Variants in ANO2 observed in about 807,000 individuals in gnomAD.
The protein encoded by ANO2 is anoctamin 2.
Under a neutral mutation model 124.2 loss-of-function variants are expected in ANO2, and 101 were observed. The observed-to-expected ratio is 0.81, with a 90% CI of 0.69 to 0.96. ANO2 has a LOEUF of 0.96. ANO2 is among the 40% of genes least tolerant of loss of function. The pLI, the probability that ANO2 is intolerant of heterozygous loss-of-function variation, is 0.00. For missense variants in ANO2, 1,293 were observed against 1,274.5 expected (o/e 1.01, Z -0.22); for synonymous variants, 486 against 482.5 (o/e 1.01, Z -0.09).
rs1469215734 is a variant in ANO2 at position 5,730,536 on chromosome 12, C to A, written c.1545+1984G>T. Among the ~76,000 whole-genome samples, 3 of 152,186 alleles carry A rather than the reference C, an allele frequency of 2.0e-5. No homozygotes were observed. The East Asian group carries it at 5.8e-4, about 29-fold the overall frequency. On this transcript the variant is annotated intron_variant, in intron 14 of 24. Coordinates refer to ENST00000682330, the MANE Select transcript of ANO2 (RefSeq NM_001364791.2). ...TCTTCTGGGGTGAGACAAGCACATC[C>A]AAGACCACCAGCTAGAATTTGATTC... is the stretch of plus-strand genomic sequence containing the variant.
At chr12:5,642,628 C>A (rs1449235998) in intron 15 of ANO2, among the ~76,000 whole-genome samples, 9 of 152,176 alleles carry the variant, frequency 5.9e-5, no homozygotes, top group African/African-American at 2.2e-4. Flanking sequence ...ACCCCAGCAG[C>A]CAGAATGATC....
chr12:5,918,438 CTTT>C (rs59787191), intron 3 of ANO2, among the ~76,000 whole-genome samples: 59 of 118,892 alleles, frequency 5.0e-4, no homozygotes, highest in African/African-American at 1.0e-3. Flanking sequence ...TAACTTGAAT[CTTT>C]TTTTTTTTTT....
chr12:5,905,464 T>C (rs1177279319), intron 3 of ANO2, among the ~76,000 whole-genome samples: 1 of 152,042 alleles, frequency 6.6e-6, no homozygotes, highest in Non-Finnish European at 1.5e-5. Flanking sequence ...AGTACAGGGA[T>C]CAGAGAGGGA....
In ANO2 at chr12:5,922,589, T is replaced by TTCC; in HGVS notation, c.207+30_207+31insGGA. The TTCC allele has an allele frequency of 2.8e-5, 40 of 1,450,026 alleles. No homozygotes were observed. The African/African-American group carries it at 3.6e-4, about 13-fold the overall frequency. 89.8% of individuals were successfully genotyped at this position (1,450,026 alleles called of 1,614,324 possible). A position where few individuals can be genotyped will look rare whatever the true frequency, so the allele number is the denominator to read the frequency against. ...GGTGGCCTGCAACAGGGCTGGCCTA[T>TTCC]CCCCCCACCCCACCCCCGCCCAGTA... On this transcript the variant is annotated intron_variant, in intron 2 of 24. Coordinates refer to ENST00000682330, the MANE Select transcript of ANO2 (RefSeq NM_001364791.2).
At chr12:5,942,478 A>T (rs1357902133) in intron 1 of ANO2, among the ~76,000 whole-genome samples, 1 of 152,132 alleles carries the variant, frequency 6.6e-6, no homozygotes, top group Non-Finnish European at 1.5e-5. Context: ...GTCTCCTTTC[A>T]TTACATAATG....
chr12:5,575,444 A>G (rs1942341029), intron 23 of ANO2, among the ~76,000 whole-genome samples: 2 of 152,326 alleles, frequency 1.3e-5, no homozygotes, highest in Admixed American at 1.3e-4. Flanking sequence ...CGATGGGGAT[A>G]TGTTCTGAGA....
At chr12:5,816,424 T>A (rs1277595818) in intron 7 of ANO2, among the ~76,000 whole-genome samples, 2 of 152,082 alleles carry the variant, frequency 1.3e-5, no homozygotes, top group Non-Finnish European at 2.9e-5. Flanking sequence ...AAATCTGGCC[T>A]TTGGGTTCTC....
At chr12:5,814,231 G>A (rs74899368) in intron 7 of ANO2, among the ~76,000 whole-genome samples, 7,994 of 152,246 alleles carry the variant, frequency 0.053, 301 homozygotes, top group East Asian at 0.19. Context: ...AGGTTACAAC[G>A]CCGTCCCTGG....
Position 5,710,205 on chromosome 12 carries a change from G to A in ANO2, c.1545+22315C>T, listed in dbSNP as rs141398870. Among the ~76,000 whole-genome samples, 215 of 152,340 alleles carry A rather than the reference G, an allele frequency of 1.4e-3. 1 individual carries two copies. The highest frequency in any genetic ancestry group is 4.8e-3 in the African/African-American group (201 of 41,590). The stretch of plus-strand genomic sequence containing the variant: ...GGCCAATTGGTAAGAGGTGATTGCT[G>A]TGGAGAGAGGGGACAGGCCCTGGCT... On this transcript the variant is annotated intron_variant, in intron 14 of 24. Coordinates refer to ENST00000682330, the MANE Select transcript of ANO2 (RefSeq NM_001364791.2).
intron 4 of ANO2, among the ~76,000 whole-genome samples, chr12:5,851,012 C>A (rs1402787522): frequency 6.7e-6 from 1 of 150,366 alleles, no homozygotes; most frequent in Non-Finnish European, 1.5e-5. Flanking sequence ...GGATGACGTC[C>A]CCAAACCACA....
chr12:5,703,866 C>T (rs1280707357), intron 14 of ANO2, among the ~76,000 whole-genome samples: 1 of 152,124 alleles, frequency 6.6e-6, no homozygotes, highest in Non-Finnish European at 1.5e-5. Context: ...TTAGACTTTT[C>T]TGTGTATACA....
intron 3 of ANO2, among the ~76,000 whole-genome samples, chr12:5,877,735 G>T (rs997099818): frequency 6.6e-6 from 1 of 152,214 alleles, no homozygotes; most frequent in Non-Finnish European, 1.5e-5. Flanking sequence ...GACCTGGGGT[G>T]GGGGGATCAG....
intron 3 of ANO2, among the ~76,000 whole-genome samples, chr12:5,883,599 T>C (rs990555962): frequency 5.2e-4 from 79 of 151,752 alleles, no homozygotes; most frequent in Admixed American, 3.6e-3. Context: ...CTTCAAGCTT[T>C]GAGAGGTGGC....
intron 10 of ANO2, among the ~76,000 whole-genome samples, chr12:5,792,647 C>T (rs1159046147): frequency 6.6e-6 from 1 of 152,200 alleles, no homozygotes; most frequent in Non-Finnish European, 1.5e-5. Flanking sequence ...TAGCTGATAC[C>T]TCTGAGCCCA....
rs565307356 is a variant in ANO2, at chr12:5,858,876, A to T, written c.535-4735T>A. 4.6e-5 allele frequency among the ~76,000 whole-genome samples: 7 copies of T among 152,250 alleles called. No individual in the cohort carries two copies. In the South Asian group the frequency reaches 6.2e-4, roughly 13 times the overall value. Reference sequence around the variant, plus strand: ...TTGCTGGGGAAAACCAGTTCCCGTTAGATTAAAATTGTGAGTGAGTAATCC... The same window carrying T: ...TTGCTGGGGAAAACCAGTTCCCGTTTGATTAAAATTGTGAGTGAGTAATCC... On this transcript the variant is annotated intron_variant, in intron 3 of 24. Transcript: ENST00000682330.
chr12:5,932,728 G>C (rs928635046), intron 1 of ANO2, among the ~76,000 whole-genome samples: 2 of 152,160 alleles, frequency 1.3e-5, no homozygotes, highest in African/African-American at 4.8e-5. Context: ...GACCAGTGAG[G>C]AAGGAAAGTA....
intron 3 of ANO2, among the ~76,000 whole-genome samples, chr12:5,861,070 G>A (rs953412835): frequency 4.6e-5 from 7 of 152,170 alleles, no homozygotes; most frequent in African/African-American, 1.7e-4. Flanking sequence ...ATGATGAACT[G>A]ATTTGGCCAT....
intron 3 of ANO2, among the ~76,000 whole-genome samples, chr12:5,882,411 G>C (rs1033396530): frequency 3.9e-5 from 6 of 152,182 alleles, no homozygotes; most frequent in Non-Finnish European, 7.3e-5. Context: ...CTCTACTTGA[G>C]GAAGAGAATT....
intron 19 of ANO2, among the ~76,000 whole-genome samples, chr12:5,606,042 TTCAAGTGC>T (rs1944205305): frequency 6.6e-6 from 1 of 152,180 alleles, no homozygotes; most frequent in Non-Finnish European, 1.5e-5. Context: ...AGAGCTGCCT[TTCAAGTGC>T]TCGGTGACCC....
Sources: gnomAD v4.1 joint callset for allele counts (sites outside exome capture counted in the v4.1 genomes callset) on GRCh38, gnomAD v4.1.1 for gene constraint, MANE v1.5 for transcripts, NCBI Gene and HGNC (gene_info 2026-07-23, HGNC 2026-07-21) for gene names.